SIMC1: variants seen among roughly 807,000 people sequenced by gnomAD.
SIMC1 encodes the protein SUMO interacting motifs containing 1, also known as SUMO-interacting motif-containing protein 1.
A neutral mutation model predicts 82.3 loss-of-function variants in SIMC1; 55 were observed. That is an observed-to-expected ratio of 0.67 (90% CI 0.54 to 0.84). The LOEUF is 0.84. Ranked by LOEUF, SIMC1 falls within the 40% of genes least tolerant of loss-of-function variation. The probability of loss-of-function intolerance (pLI) is 0.00; values close to 1 mark genes in which losing one functional copy is unlikely to be tolerated. For missense variants in SIMC1, 915 were observed against 1,107.2 expected, an observed-to-expected ratio of 0.83 and a Z score of 2.46; for synonymous variants, 353 against 426.3, an observed-to-expected ratio of 0.83 and a Z score of 2.12.
At chr5:176,319,996 A>G (rs1333773874) in intron 5 of SIMC1, among the ~76,000 whole-genome samples, 1 of 152,150 alleles carries the variant, frequency 6.6e-6, no homozygotes, top group African/African-American at 2.4e-5. Flanking sequence ...GGTGGAACTG[A>G]TTTCTCATTT....
intron 5 of SIMC1, among the ~76,000 whole-genome samples, chr5:176,314,562 TAAC>T (rs1764815929): frequency 6.6e-6 from 1 of 152,226 alleles, no homozygotes; most frequent in Admixed American, 6.5e-5. Flanking sequence ...GTAATATCTA[TAAC>T]AATAGGTCAT....
In SIMC1 at chr5:176,332,377, G is replaced by A. The variant is rs184916269; in HGVS notation, c.2172-4343G>A. Among the ~76,000 whole-genome samples, 381 of 152,182 alleles carry A rather than the reference G, an allele frequency of 2.5e-3. 2 individuals are homozygous for A. Among genetic ancestry groups the A allele is most frequent in the African/African-American group, 8.7e-3 (360 of 41,506 alleles). ...ACGATCTCAGCTCACCACAACCTCC[G>A]CCTCCCGGGTTCAAGAGATTCTCCT... On this transcript the variant is annotated intron_variant, in intron 7 of 9. Coordinates refer to ENST00000429602, the MANE Select transcript of SIMC1 (RefSeq NM_001308195.2).
At chr5:176,318,861 C>T (rs1165787105) in intron 5 of SIMC1, among the ~76,000 whole-genome samples, 1 of 152,096 alleles carries the variant, frequency 6.6e-6, no homozygotes, top group East Asian at 1.9e-4. Flanking sequence ...AGTCCCAGCA[C>T]TTTGGGAGGC....
chr5:176,342,669 C>T lies in SIMC1; in HGVS notation c.2414-2514C>T, dbSNP rs113846038. ...CAGGACATTTGCTATTGCTGTTCTC[C>T]ATGGACTGCTTTTCCCTTTGACCTT... On this transcript the variant is annotated intron_variant, in intron 9 of 9. Transcript: ENST00000429602. 1.2e-4 allele frequency among the ~76,000 whole-genome samples: 18 copies of T among 152,300 alleles called. 3 individuals are homozygous for T. The highest frequency in any genetic ancestry group is 3.4e-4 in the African/African-American group (14 of 41,580).
At chr5:176,310,135 GA>G (rs1321978630) in intron 4 of SIMC1, among the ~76,000 whole-genome samples, 4 of 152,044 alleles carry the variant, frequency 2.6e-5, no homozygotes, top group African/African-American at 7.2e-5. Flanking sequence ...AATGGCTAAA[GA>G]AAAAATAGTA....
intron 2 of SIMC1, among the ~76,000 whole-genome samples, chr5:176,292,399 A>T (rs896382844): frequency 3.3e-5 from 5 of 152,194 alleles, no homozygotes; most frequent in African/African-American, 1.2e-4. Context: ...CTCCTCATTC[A>T]AGCAGTGATC....
intron 1 of SIMC1, among the ~76,000 whole-genome samples, chr5:176,242,904 T>C (rs1047955961): frequency 6.6e-6 from 1 of 152,118 alleles, no homozygotes; most frequent in Non-Finnish European, 1.5e-5. Context: ...ATAAATGTAA[T>C]GTCAGGTGAT....
chr5:176,243,447 G>A (rs1317009868), intron 1 of SIMC1, among the ~76,000 whole-genome samples: 3 of 152,214 alleles, frequency 2.0e-5, no homozygotes, highest in Middle Eastern at 3.4e-3. Flanking sequence ...CCACAATAAG[G>A]GATTTGGATT....
At chr5:176,300,691 A>C (rs1764003324) in intron 4 of SIMC1, among the ~76,000 whole-genome samples, 1 of 152,176 alleles carries the variant, frequency 6.6e-6, no homozygotes, top group African/African-American at 2.4e-5. Flanking sequence ...GAGAAGATTC[A>C]AATTACTAAA....
chr5:176,297,412 G>C (rs1333655834), intron 4 of SIMC1, among the ~76,000 whole-genome samples: 1 of 143,420 alleles, frequency 7.0e-6, no homozygotes, highest in Non-Finnish European at 1.5e-5. Context: ...TGAGGTAGGA[G>C]AATTGCTTGA....
At chr5:176,248,985 C>T (rs934141613) in intron 1 of SIMC1, among the ~76,000 whole-genome samples, 3 of 152,100 alleles carry the variant, frequency 2.0e-5, no homozygotes, top group African/African-American at 7.2e-5. Context: ...TTTTGATGTG[C>T]TGCTGGATTT....
chr5:176,269,155 T>C (rs1762323247), intron 1 of SIMC1, among the ~76,000 whole-genome samples: 1 of 151,916 alleles, frequency 6.6e-6, no homozygotes, highest in Non-Finnish European at 1.5e-5. Flanking sequence ...AACCTAAGCT[T>C]CCATTTAAGA....
At chr5:176,299,288 G>A (rs950116297) in intron 4 of SIMC1, among the ~76,000 whole-genome samples, 4 of 151,722 alleles carry the variant, frequency 2.6e-5, no homozygotes, top group African/African-American at 7.3e-5. Flanking sequence ...AGCTACTGTG[G>A]AGGTTGAGGT....
rs371503203 is a variant in SIMC1 at position 176,345,316 on chromosome 5, C to T, written c.2547C>T (p.Ile849=). The change falls in exon 10 of 10, where the codon ATC becomes ATT. Residue 849 remains isoleucine, a synonymous_variant. Coordinates refer to ENST00000429602, the MANE Select transcript of SIMC1 (RefSeq NM_001308195.2). The stretch of plus-strand genomic sequence containing the variant: ...TTGAGGCCTTCCGCAGCCGCCTGAT[C>T]CAGATGCTGGGGGAGCCTCTTGTCC... The part of the protein sequence containing the change: ...KQIEAFRSRL[I]QMLGEPLVPQ... 6.4e-5 allele frequency: 103 copies of T among 1,613,866 alleles called. No individual in the cohort carries two copies. Among genetic ancestry groups the T allele is most frequent in the Non-Finnish European group, 8.4e-5 (99 of 1,179,910 alleles).
chr5:176,309,035 A>C (rs1219232747), intron 4 of SIMC1: 5 of 770,810 alleles, frequency 6.5e-6, no homozygotes, highest in Admixed American at 1.9e-5. Context: ...AAATGGAGAA[A>C]GATGAAAATA....
At chr5:176,274,909 G>C (rs570405291) in intron 1 of SIMC1, among the ~76,000 whole-genome samples, 1 of 151,862 alleles carries the variant, frequency 6.6e-6, no homozygotes, top group Non-Finnish European at 1.5e-5. Context: ...GTCAGGTAGC[G>C]TGATGCCTCC....
intron 4 of SIMC1, among the ~76,000 whole-genome samples, chr5:176,297,521 A>AAAAAAAAAAAAT (rs1763871528): frequency 4.0e-5 from 6 of 151,626 alleles, no homozygotes; most frequent in African/African-American, 1.5e-4. Context: ...AAAAAAAAAA[A>AAAAAAAAAAAAT]AAAAAACGTT....
intron 7 of SIMC1, among the ~76,000 whole-genome samples, chr5:176,328,654 C>T (rs1765496900): frequency 1.3e-5 from 2 of 151,866 alleles, no homozygotes; most frequent in South Asian, 4.2e-4. Context: ...GTTTTACATA[C>T]TCAAAAAATC....
At chr5:176,246,326 A>T (rs536941257) in intron 1 of SIMC1, among the ~76,000 whole-genome samples, 2 of 151,730 alleles carry the variant, frequency 1.3e-5, no homozygotes, top group African/African-American at 4.8e-5. Context: ...CTCCATTTTG[A>T]TACTGACAAC....
Sources: allele counts gnomAD v4.1 joint callset (sites outside exome capture counted in the v4.1 genomes callset), GRCh38; gene constraint gnomAD v4.1.1; transcripts MANE v1.5; gene names NCBI Gene and HGNC (gene_info 2026-07-23, HGNC 2026-07-21).